The following PEX14 variants were observed in gnomAD, a reference collection of about 807,000 sequenced individuals.
The protein encoded by PEX14 is peroxisomal biogenesis factor 14.
In PEX14, 15 loss-of-function variants were observed where a neutral mutation model predicts 49.5. The ratio of observed to expected loss-of-function variants is 0.30; its 90% confidence interval spans 0.20 to 0.47. The LOEUF (loss-of-function observed/expected upper bound fraction) is 0.47. Among genes scored for constraint, PEX14 ranks in the 20% least tolerant of loss-of-function variants. PEX14 has a pLI of 1.00. For synonymous variants in PEX14, 210 were observed against 212.7 expected (o/e 0.99, Z 0.11); for missense variants, 398 against 494.8 (o/e 0.80, Z 1.86).
intron 5 of PEX14, among the ~76,000 whole-genome samples, chr1:10,620,969 G>C (rs1641571496): frequency 6.6e-6 from 1 of 152,198 alleles, no homozygotes; most frequent in South Asian, 2.1e-4. Flanking sequence ...TGAGCAGTAG[G>C]CACTGTCACA....
At chr1:10,627,120 A>AGGCAGTG in intron 7 of PEX14, 152 bp from the exon 8 acceptor site, 1 of 712,876 alleles carries the variant, frequency 1.4e-6, no homozygotes, top group Non-Finnish European at 2.6e-6. Context: ...GAGACGTGGC[A>AGGCAGTG]GGCAGTGGGC....
chr1:10,621,029 G>A (rs546720221), intron 5 of PEX14, among the ~76,000 whole-genome samples: 79 of 152,278 alleles, frequency 5.2e-4, no homozygotes, highest in African/African-American at 1.0e-3. Flanking sequence ...AGGGCAGCTC[G>A]GCAGCCCGCC....
In PEX14 at chr1:10,500,373, CAAAAAAAAAA is replaced by C. The variant is rs750781683; in HGVS notation, c.84+5072_84+5081del. 4.6e-4 allele frequency among the ~76,000 whole-genome samples: 20 copies of C among 43,676 alleles called. No individual in the cohort carries two copies. In the East Asian group the frequency reaches 0.013, roughly 27 times the overall value. The allele number at this position is 43,676 out of a possible 152,430, so 28.7% of individuals were successfully genotyped here. ...TGGGCGACAGAGCCAGATTCTGTCT[CAAAAAAAAAA>C]AAAAAAAAAAAAAAAAAAAGAAAAG... On this transcript the variant is annotated intron_variant, in intron 2 of 8. Transcript: ENST00000356607.
chr1:10,599,557 G>A (rs1640925986), intron 4 of PEX14, among the ~76,000 whole-genome samples, 191 bp downstream of exon 4: 1 of 152,164 alleles, frequency 6.6e-6, no homozygotes, highest in Non-Finnish European at 1.5e-5. Flanking sequence ...ATGTGACAAA[G>A]GTTTAAGAAG....
intron 4 of PEX14, among the ~76,000 whole-genome samples, chr1:10,602,614 C>A (rs1051374763): frequency 2.6e-5 from 4 of 152,132 alleles, no homozygotes; most frequent in African/African-American, 9.7e-5. Context: ...CCAAAATGAA[C>A]CCCAGTAAAA....
chr1:10,556,448 C>A (rs17035305), intron 3 of PEX14, among the ~76,000 whole-genome samples: 37,778 of 152,038 alleles, frequency 0.25, 5,552 homozygotes, highest in Admixed American at 0.33. Flanking sequence ...GGTCTCTGTG[C>A]AGGGTTTCTA....
intron 3 of PEX14, among the ~76,000 whole-genome samples, chr1:10,582,552 C>T (rs185163497): frequency 2.2e-3 from 334 of 152,170 alleles, no homozygotes; most frequent in Non-Finnish European, 3.9e-3. Context: ...AGAGATAACC[C>T]GGAACAACTG....
In PEX14 at chr1:10,529,216, A is replaced by G. The variant is rs1221093614; in HGVS notation, c.85-6997A>G. Among the ~76,000 whole-genome samples the G allele has an allele frequency of 6.6e-6, 1 of 152,188 alleles. No homozygotes were observed. ...CTAAAAAGGAACTTTGATCTTCCCA[A>G]CCCACAAGCAAGGGTTTCATTTCTT... On this transcript the variant is annotated intron_variant, in intron 2 of 8. Transcript: ENST00000356607. The surrounding 1 kb of genome is among the most constrained non-coding windows in gnomAD (Gnocchi z 4.2).
intron 4 of PEX14, among the ~76,000 whole-genome samples, chr1:10,608,930 T>C (rs900586500): frequency 6.6e-6 from 1 of 152,136 alleles, no homozygotes; most frequent in Non-Finnish European, 1.5e-5. Flanking sequence ...TCTTCCCACC[T>C]CTAGCCCCAG....
chr1:10,568,416 A>T (rs1432368662), intron 3 of PEX14, among the ~76,000 whole-genome samples: 1 of 147,420 alleles, frequency 6.8e-6, no homozygotes, highest in East Asian at 2.1e-4. Context: ...AAGAATGGAT[A>T]TCGAATTATA....
rs535115894 is a variant in PEX14 at position 10,613,800 on chromosome 1, C to A, written c.299-4532C>A. Among the ~76,000 whole-genome samples, 166 of 152,296 alleles carry A rather than the reference C, an allele frequency of 1.1e-3. 1 individual carries two copies. Among genetic ancestry groups the A allele is most frequent in the African/African-American group, 3.9e-3 (162 of 41,562 alleles). On this transcript the variant is annotated intron_variant, in intron 4 of 8. Coordinates refer to ENST00000356607, the MANE Select transcript of PEX14 (RefSeq NM_004565.3). The surrounding 1 kb of genome is among the most constrained non-coding windows in gnomAD (Gnocchi z 5.0). ...TGGTGGTGGCATGAGGGTTTCTGAC[C>A]CCAGGCTTGTTGCCCACTTGCTACC... is the stretch of plus-strand genomic sequence containing the variant.
At chr1:10,550,324 G>A (rs1367954607) in intron 3 of PEX14, among the ~76,000 whole-genome samples, 1 of 152,232 alleles carries the variant, frequency 6.6e-6, no homozygotes, top group Non-Finnish European at 1.5e-5. Flanking sequence ...GAAAATGAGA[G>A]TGACATTTTA....
intron 3 of PEX14, among the ~76,000 whole-genome samples, chr1:10,582,852 G>A (rs1009053768): frequency 5.3e-5 from 8 of 152,198 alleles, no homozygotes; most frequent in Admixed American, 5.2e-4. Context: ...TGCCACCCCA[G>A]CCTCCTGAGT....
At chr1:10,593,861 G>A (rs1181637904) in intron 3 of PEX14, among the ~76,000 whole-genome samples, 3 of 152,164 alleles carry the variant, frequency 2.0e-5, no homozygotes, top group Non-Finnish European at 4.4e-5. Flanking sequence ...ATATCAAGGT[G>A]CTGCCGTCGT....
At chr1:10,531,574 G>C (rs191070891) in intron 2 of PEX14, among the ~76,000 whole-genome samples, 1 of 152,288 alleles carries the variant, frequency 6.6e-6, no homozygotes, top group Non-Finnish European at 1.5e-5. Context: ...TTTCGGGCCC[G>C]TAGATTATAT....
chr1:10,588,724 A>G (rs545104472), intron 3 of PEX14, among the ~76,000 whole-genome samples: 3 of 152,252 alleles, frequency 2.0e-5, no homozygotes, highest in Non-Finnish European at 4.4e-5. Context: ...GCTTGTGTTC[A>G]AGTAAGCTCT....
chr1:10,546,704 GAA>G (rs764815375), intron 3 of PEX14, among the ~76,000 whole-genome samples: 5 of 131,536 alleles, frequency 3.8e-5, no homozygotes, highest in African/African-American at 2.8e-5. Flanking sequence ...GTCTCTACTA[GAA>G]AAAAAAAAAA....
chr1:10,510,157 A>G (rs148630662), intron 2 of PEX14, among the ~76,000 whole-genome samples: 68 of 152,098 alleles, frequency 4.5e-4, no homozygotes, highest in African/African-American at 1.6e-3. Context: ...TGGCATCTCT[A>G]ATTGCATCAC....
chr1:10,475,080 G>A (rs981473764), intron 1 of PEX14, 78 bp downstream of exon 1: 18 of 1,397,312 alleles, frequency 1.3e-5, no homozygotes, highest in Non-Finnish European at 8.0e-6. Context: ...CTGGGAGCCG[G>A]GTAGGGACCC....
Sources: gnomAD v4.1 joint callset for allele counts (sites outside exome capture counted in the v4.1 genomes callset) on GRCh38, gnomAD v4.1.1 for gene constraint, Gnocchi (gnomAD v3.1) non-coding constraint, MANE v1.5 for transcripts, NCBI Gene and HGNC (gene_info 2026-07-23, HGNC 2026-07-21) for gene names.